WASHC4: variants seen among roughly 807,000 people sequenced by gnomAD.
WASHC4 encodes the protein WASH complex subunit 7.
In WASHC4, 86 loss-of-function variants were observed where a neutral mutation model predicts 166.6. The observed-to-expected ratio is 0.52, with a 90% CI of 0.43 to 0.62. WASHC4 has a LOEUF of 0.62. Among genes scored for constraint, WASHC4 ranks in the 20% least tolerant of loss-of-function variants. The pLI is 0.00. For synonymous variants in WASHC4, 446 were observed against 451.6 expected, an observed-to-expected ratio of 0.99 and a Z score of 0.16; for missense variants, 1,262 against 1,382.4, an observed-to-expected ratio of 0.91 and a Z score of 1.38.
intron 5 of WASHC4, 79 bp from the exon 6 acceptor site, chr12:105,115,582 A>T: frequency 9.4e-7 from 1 of 1,065,582 alleles, no homozygotes; most frequent in South Asian, 1.3e-5. Context: ...TGAAAAAAAA[A>T]AACTTTTCCC....
chr12:105,163,653 C>T (rs949649985), intron 30 of WASHC4, among the ~76,000 whole-genome samples: 1 of 152,002 alleles, frequency 6.6e-6, no homozygotes, highest in Non-Finnish European at 1.5e-5. Context: ...AGGCATGCAT[C>T]GCCACATCTG....
chr12:105,167,865 A>G lies in WASHC4; in HGVS notation c.*934A>G, dbSNP rs2135852701. ...CTGTTCAGGCTTTTAAAAAAATACC[A>G]CTGTGAGAATAAAGCGCTAGCAAGA... On this transcript the variant is annotated 3_prime_UTR_variant, in exon 33 of 33. Transcript: ENST00000332180. 1 of 152,608 alleles carries G rather than the reference A, an allele frequency of 6.6e-6. No individual in the cohort carries two copies. Among genetic ancestry groups the G allele is most frequent in the East Asian group, 1.9e-4 (1 of 5,184 alleles). 9.5% of individuals were successfully genotyped at this position (152,608 alleles called of 1,614,324 possible). A position where few individuals can be genotyped will look rare whatever the true frequency, so the allele number is the denominator to read the frequency against.
At chr12:105,111,063 A>C in intron 1 of WASHC4, 62 bp from the exon 2 acceptor site, 1 of 1,218,176 alleles carries the variant, frequency 8.2e-7, no homozygotes, top group Non-Finnish European at 1.2e-6. Flanking sequence ...GGTTATTTGA[A>C]GTAAATGTCC....
At chr12:105,162,093 CTG>C (rs1441649954) in intron 29 of WASHC4, among the ~76,000 whole-genome samples, 5 of 152,206 alleles carry the variant, frequency 3.3e-5, no homozygotes, top group Admixed American at 2.0e-4. Flanking sequence ...TTGCTCTAGA[CTG>C]TGAACTCTAG....
chr12:105,150,287 T>G (rs200296967), intron 25 of WASHC4, among the ~76,000 whole-genome samples: 1 of 119,520 alleles, frequency 8.4e-6, no homozygotes, highest in Non-Finnish European at 1.8e-5. Context: ...GACCATTATT[T>G]AGGTTTTTCT....
At chr12:105,120,790 T>C (rs550945953) in intron 8 of WASHC4, among the ~76,000 whole-genome samples, 193 bp downstream of exon 8, 2 of 152,288 alleles carry the variant, frequency 1.3e-5, no homozygotes, top group East Asian at 1.9e-4. Flanking sequence ...CCATTATCAG[T>C]GTAACTTAGT....
Position 105,149,207 on chromosome 12 carries a change from T to G in WASHC4, c.2515-408T>G, listed in dbSNP as rs1883542704. On this transcript the variant is annotated intron_variant, in intron 24 of 32. Coordinates refer to ENST00000332180, the MANE Select transcript of WASHC4 (RefSeq NM_015275.3). ...AGGAAGGTTCAGAGAACACCATGTT[T>G]CTTACTTTAGTATCATTCTAGACCT... 7 of 985,252 alleles carry G rather than the reference T, an allele frequency of 7.1e-6. No individual in the cohort carries two copies. In the Admixed American group the frequency reaches 3.7e-4, roughly 52 times the overall value. 61.0% of individuals were successfully genotyped at this position (985,252 alleles called of 1,614,324 possible).
intron 32 of WASHC4, among the ~76,000 whole-genome samples, chr12:105,166,057 C>T (rs1239176715): frequency 1.3e-5 from 2 of 152,224 alleles, no homozygotes; most frequent in African/African-American, 4.8e-5. Context: ...GGCGATTGGA[C>T]ATTTGCTTTC....
chr12:105,147,593 A>G (rs1232404873), intron 24 of WASHC4: 18 of 1,008,960 alleles, frequency 1.8e-5, no homozygotes, highest in Non-Finnish European at 2.0e-5. Context: ...TACTAAAAAT[A>G]TATTGAATCT....
chr12:105,137,973 T>G lies in WASHC4; in HGVS notation c.1414T>G (p.Ser472Ala). 1 of 1,613,176 alleles carries G rather than the reference T, an allele frequency of 6.2e-7. No individual in the cohort carries two copies. The highest frequency in any genetic ancestry group is 1.1e-5 in the South Asian group (1 of 91,046). ...CATGCAAAAGCCAATGACCAAAACCTCAGTTAAGGCATTGTGCAGGCTTGT... is the reference window on the plus strand; with the variant it reads ...CATGCAAAAGCCAATGACCAAAACCGCAGTTAAGGCATTGTGCAGGCTTGT... ...MSMQKPMTKTSVKALCRLVEL... is the reference protein window; with the variant it reads ...MSMQKPMTKTAVKALCRLVEL... Residue 472 changes from serine (S) to alanine (A), a missense_variant, in exon 15 of 33, where the codon TCA (serine) becomes GCA (alanine). Coordinates refer to ENST00000332180, the MANE Select transcript of WASHC4 (RefSeq NM_015275.3).
intron 6 of WASHC4, among the ~76,000 whole-genome samples, chr12:105,116,062 A>G (rs1438338803): frequency 2.0e-5 from 3 of 152,162 alleles, no homozygotes; most frequent in Admixed American, 6.5e-5. Flanking sequence ...GAATTAAGCT[A>G]TTACATGAGC....
At chr12:105,136,607 T>TA (rs1258559152) in intron 14 of WASHC4, among the ~76,000 whole-genome samples, 1 of 152,160 alleles carries the variant, frequency 6.6e-6, no homozygotes, top group African/African-American at 2.4e-5. Flanking sequence ...CAAGTACCCC[T>TA]AAAAAAGGGA....
intron 13 of WASHC4, among the ~76,000 whole-genome samples, chr12:105,128,507 G>A (rs757547083): frequency 6.6e-6 from 1 of 152,146 alleles, no homozygotes; most frequent in Non-Finnish European, 1.5e-5. Flanking sequence ...TAATACCCAG[G>A]TTGTGGAAAC....
intron 26 of WASHC4, among the ~76,000 whole-genome samples, chr12:105,154,604 A>G (rs1219034610): frequency 6.6e-6 from 1 of 152,228 alleles, no homozygotes; most frequent in Non-Finnish European, 1.5e-5. Context: ...ATTCAGTACA[A>G]CAAATGTTTC....
chr12:105,132,745 T>C (rs1470829130), intron 13 of WASHC4, among the ~76,000 whole-genome samples: 2 of 151,804 alleles, frequency 1.3e-5, no homozygotes, highest in African/African-American at 4.8e-5. Context: ...TTGGAGGTTG[T>C]AGTACCTGCC....
chr12:105,121,310 GGATT>G, intron 9 of WASHC4, 106 bp downstream of exon 9: 1 of 721,394 alleles, frequency 1.4e-6, no homozygotes, highest in Non-Finnish European at 2.4e-6. Context: ...AAAGACCTGG[GGATT>G]GATATTTAGA....
intron 24 of WASHC4, chr12:105,148,708 A>G: frequency 9.1e-6 from 9 of 985,382 alleles, no homozygotes; most frequent in Non-Finnish European, 1.1e-5. Flanking sequence ...GGGTAAATGA[A>G]TACTGAGTAA....
At position 105,120,002 on chromosome 12, in the gene WASHC4, C is replaced by A. The variant is rs183856088; in HGVS notation, c.519-553C>A. The stretch of plus-strand genomic sequence containing the variant: ...TCCCAGCTCTCAGGGAGGCAAGAGG[C>A]GGGAGGATAGCTTGAGCCCAGGAGT... On this transcript the variant is annotated intron_variant, in intron 7 of 32. Coordinates refer to ENST00000332180, the MANE Select transcript of WASHC4 (RefSeq NM_015275.3). Among the ~76,000 whole-genome samples the A allele has an allele frequency of 9.5e-4, 145 of 152,070 alleles. 1 individual carries two copies. The highest frequency in any genetic ancestry group is 3.3e-3 in the African/African-American group (135 of 41,482).
intron 14 of WASHC4, among the ~76,000 whole-genome samples, chr12:105,136,224 T>C (rs547411607): frequency 6.6e-6 from 1 of 152,294 alleles, no homozygotes; most frequent in African/African-American, 2.4e-5. Context: ...CAAGCTCCTG[T>C]TTTTATTTCC....
Sources: gnomAD v4.1 joint callset for allele counts (sites outside exome capture counted in the v4.1 genomes callset) on GRCh38, gnomAD v4.1.1 for gene constraint, MANE v1.5 for transcripts, NCBI Gene and HGNC (gene_info 2026-07-23, HGNC 2026-07-21) for gene names.